Variants in SLC10A7 observed in about 807,000 individuals in gnomAD.
SLC10A7 encodes solute carrier family 10 member 7.
In SLC10A7, 29 loss-of-function variants were observed where a neutral mutation model predicts 43.2. The observed-to-expected ratio is 0.67, with a 90% CI of 0.50 to 0.92. The LOEUF is 0.92. Ranked by LOEUF, SLC10A7 falls within the 40% of genes least tolerant of loss-of-function variation. SLC10A7 has a pLI of 0.00. For missense variants in SLC10A7, 295 were observed against 403.2 expected (o/e 0.73, Z 2.30); for synonymous variants, 152 against 144.8 (o/e 1.05, Z -0.35).
chr4:146,356,487 T>C (rs1735642733), intron 5 of SLC10A7, among the ~76,000 whole-genome samples: 1 of 152,080 alleles, frequency 6.6e-6, no homozygotes, highest in South Asian at 2.1e-4. Context: ...TGCATTCTAC[T>C]CTTTTACCTT....
chr4:146,492,181 C>T (rs1234314686), intron 4 of SLC10A7, among the ~76,000 whole-genome samples: 1 of 151,346 alleles, frequency 6.6e-6, no homozygotes, highest in Admixed American at 6.6e-5. Context: ...GATCGCGTCA[C>T]TGCACTCCAG....
intron 5 of SLC10A7, among the ~76,000 whole-genome samples, chr4:146,372,995 A>G (rs116593967): frequency 7.8e-4 from 119 of 152,314 alleles, no homozygotes; most frequent in African/African-American, 2.9e-3. Context: ...AAGAATATCA[A>G]TCAGCCACAT....
chr4:146,353,567 G>T (rs371779167), intron 5 of SLC10A7, among the ~76,000 whole-genome samples: 1 of 25,762 alleles, frequency 3.9e-5, no homozygotes, highest in Non-Finnish European at 6.6e-5. Flanking sequence ...TACCAAAGCC[G>T]GGCAGAGACA....
intron 4 of SLC10A7, among the ~76,000 whole-genome samples, chr4:146,491,783 A>AC (rs1735468241): frequency 6.6e-6 from 1 of 152,104 alleles, no homozygotes; most frequent in Non-Finnish European, 1.5e-5. Flanking sequence ...CAAGGCCAGT[A>AC]TCTTGGCACT....
chr4:146,398,066 G>A (rs1020912777), intron 5 of SLC10A7, among the ~76,000 whole-genome samples: 1 of 152,164 alleles, frequency 6.6e-6, no homozygotes, highest in African/African-American at 2.4e-5. Flanking sequence ...GCAACATCAT[G>A]TAATCAGAAC....
chr4:146,310,499 T>G (rs1470635072), intron 6 of SLC10A7, among the ~76,000 whole-genome samples: 3 of 152,156 alleles, frequency 2.0e-5, no homozygotes, highest in Non-Finnish European at 2.9e-5. Context: ...TTTTTTCACT[T>G]TCTAATAGTA....
At chr4:146,451,561 A>G (rs1211361898) in intron 4 of SLC10A7, among the ~76,000 whole-genome samples, 2 of 152,156 alleles carry the variant, frequency 1.3e-5, no homozygotes, top group African/African-American at 4.8e-5. Flanking sequence ...TAGGGATGCA[A>G]GGATGGTTCA....
intron 4 of SLC10A7, among the ~76,000 whole-genome samples, chr4:146,473,472 A>G (rs1453563022): frequency 6.6e-6 from 1 of 152,198 alleles, no homozygotes; most frequent in Non-Finnish European, 1.5e-5. Flanking sequence ...TCTATTTACC[A>G]CGTTACATAA....
chr4:146,506,300 C>G (rs1736888560), intron 3 of SLC10A7, among the ~76,000 whole-genome samples: 1 of 152,098 alleles, frequency 6.6e-6, no homozygotes, highest in African/African-American at 2.4e-5. Flanking sequence ...ATACATATAT[C>G]TTCTATGAGT....
chr4:146,345,395 C>T (rs146340844), intron 5 of SLC10A7, among the ~76,000 whole-genome samples: 81 of 152,190 alleles, frequency 5.3e-4, no homozygotes, highest in African/African-American at 1.6e-3. Flanking sequence ...TCTTTAAGGA[C>T]GAATATTATA....
chr4:146,319,209 T>C (rs1358279594), intron 6 of SLC10A7, among the ~76,000 whole-genome samples: 1 of 152,084 alleles, frequency 6.6e-6, no homozygotes, highest in Non-Finnish European at 1.5e-5. Context: ...CATCTTAATT[T>C]ACTCTCTCCC....
intron 5 of SLC10A7, among the ~76,000 whole-genome samples, chr4:146,337,037 A>ATCT (rs1351168199): frequency 5.0e-4 from 76 of 152,178 alleles, no homozygotes; most frequent in African/African-American, 1.8e-3. Context: ...AAGAGTGACA[A>ATCT]AAACAATTTG....
At chr4:146,304,399 T>C (rs1433098817) in intron 7 of SLC10A7, among the ~76,000 whole-genome samples, 5 of 151,956 alleles carry the variant, frequency 3.3e-5, no homozygotes, top group Non-Finnish European at 5.9e-5. Context: ...TGCTATAAAT[T>C]TCCCTCTACA....
intron 5 of SLC10A7, among the ~76,000 whole-genome samples, chr4:146,333,681 G>C (rs1013735020): frequency 6.6e-6 from 1 of 152,074 alleles, no homozygotes; most frequent in African/African-American, 2.4e-5. Flanking sequence ...AAAGACAGAT[G>C]AATCAGAAAA....
intron 4 of SLC10A7, among the ~76,000 whole-genome samples, chr4:146,462,159 C>A (rs1364689499): frequency 6.6e-6 from 1 of 151,884 alleles, no homozygotes; most frequent in Non-Finnish European, 1.5e-5. Flanking sequence ...TTTAAATGAG[C>A]TTTCTCCTGT....
chr4:146,422,044 A>C (rs1729001011), intron 5 of SLC10A7, among the ~76,000 whole-genome samples: 1 of 152,178 alleles, frequency 6.6e-6, no homozygotes. Flanking sequence ...TTCATCACCA[A>C]ACTGAATGTA....
intron 5 of SLC10A7, among the ~76,000 whole-genome samples, chr4:146,382,473 C>T (rs1237945213): frequency 6.6e-6 from 1 of 152,020 alleles, no homozygotes; most frequent in African/African-American, 2.4e-5. Context: ...TCTTTAATAA[C>T]GAGTAGTGCT....
At chr4:146,466,188 T>G (rs1733017864) in intron 4 of SLC10A7, among the ~76,000 whole-genome samples, 1 of 152,200 alleles carries the variant, frequency 6.6e-6, no homozygotes, top group Admixed American at 6.5e-5. Context: ...CTAATCACAA[T>G]TATGCAGTGA....
rs34496192 is a variant in SLC10A7, at chr4:146,356,574, G to GACACACAC, written c.436-30586_436-30579dup. ...ACAACTGTCCCATCTACAACAGACA[G>GACACACAC]ACACACACACACACACACTCCCCAT... On this transcript the variant is annotated intron_variant, in intron 5 of 11. Coordinates refer to ENST00000335472, the MANE Select transcript of SLC10A7 (RefSeq NM_001029998.6). Among the ~76,000 whole-genome samples the GACACACAC allele has an allele frequency of 4.0e-5, 6 of 150,366 alleles. No homozygotes were observed. In the East Asian group the frequency reaches 9.8e-4, roughly 25 times the overall value.
Sources: gnomAD v4.1 joint callset for allele counts (sites outside exome capture counted in the v4.1 genomes callset) on GRCh38, gnomAD v4.1.1 for gene constraint, MANE v1.5 for transcripts, NCBI Gene and HGNC (gene_info 2026-07-23, HGNC 2026-07-21) for gene names.